The following ATP6V1H variants were observed in gnomAD, a reference collection of about 807,000 sequenced individuals.
ATP6V1H encodes the protein V-type proton ATPase subunit H.
Under a neutral mutation model 71.7 loss-of-function variants are expected in ATP6V1H, and 39 were observed. That is an observed-to-expected ratio of 0.54 (90% CI 0.42 to 0.71). The LOEUF is 0.71. ATP6V1H is among the 30% of genes least tolerant of loss of function. The pLI is 0.00. For missense variants in ATP6V1H, 509 were observed against 594.9 expected, an observed-to-expected ratio of 0.86 and a Z score of 1.50; for synonymous variants, 192 against 199.3, an observed-to-expected ratio of 0.96 and a Z score of 0.31.
intron 13 of ATP6V1H, among the ~76,000 whole-genome samples, chr8:53,734,023 C>T (rs1807115694): frequency 3.3e-5 from 5 of 152,322 alleles, no homozygotes; most frequent in Admixed American, 6.5e-5. Flanking sequence ...TTAACAGCAA[C>T]TGCCCTGCTA....
At chr8:53,719,673 C>A (rs1033543604) in intron 13 of ATP6V1H, among the ~76,000 whole-genome samples, 2 of 152,174 alleles carry the variant, frequency 1.3e-5, no homozygotes, top group African/African-American at 4.8e-5. Context: ...CACAGGTATG[C>A]CCACACATTC....
intron 2 of ATP6V1H, among the ~76,000 whole-genome samples, chr8:53,836,694 G>A (rs1408153638): frequency 1.3e-5 from 2 of 152,178 alleles, no homozygotes; most frequent in Non-Finnish European, 2.9e-5. Context: ...TACATATGGG[G>A]TCATATTATT....
chr8:53,761,106 G>A (rs999897050), intron 11 of ATP6V1H, among the ~76,000 whole-genome samples: 1 of 152,180 alleles, frequency 6.6e-6, no homozygotes, highest in African/African-American at 2.4e-5. Context: ...GGAGGCCGAG[G>A]TGGGCAGATC....
rs368947137 is a variant in ATP6V1H at position 53,806,709 on chromosome 8, T to C, written c.579+4455A>G. 8.2e-4 allele frequency: 306 copies of C among 373,658 alleles called. 2 individuals are homozygous for C. The highest frequency in any genetic ancestry group is 5.5e-3 in the South Asian group (261 of 47,734). 23.1% of individuals were successfully genotyped at this position (373,658 alleles called of 1,614,324 possible). The stretch of plus-strand genomic sequence containing the variant: ...TCAGTGCTATACTTTGAAAATGACA[T>C]GTAAAAGAAAGTCTTAAATTTAAAT... On this transcript the variant is annotated intron_variant, in intron 7 of 13. Coordinates refer to ENST00000359530, the MANE Select transcript of ATP6V1H (RefSeq NM_015941.4).
intron 10 of ATP6V1H, 151 bp downstream of exon 10, chr8:53,771,837 CA>C: frequency 4.6e-6 from 3 of 650,114 alleles, no homozygotes; most frequent in South Asian, 4.1e-5. Context: ...GTTGCCATGT[CA>C]GAATGATGTC....
intron 13 of ATP6V1H, among the ~76,000 whole-genome samples, chr8:53,727,216 CCTT>C (rs985682181): frequency 3.9e-5 from 6 of 152,356 alleles, no homozygotes; most frequent in African/African-American, 1.4e-4. Flanking sequence ...TGGCCAATGG[CCTT>C]CTCGCTGCTG....
chr8:53,759,115 A>C (rs975977100), intron 11 of ATP6V1H, among the ~76,000 whole-genome samples: 7 of 152,244 alleles, frequency 4.6e-5, no homozygotes, highest in Admixed American at 4.6e-4. Flanking sequence ...CATTTTAACA[A>C]GATCTCCATT....
chr8:53,840,635 G>T (rs1043433065), intron 2 of ATP6V1H, among the ~76,000 whole-genome samples: 11 of 152,080 alleles, frequency 7.2e-5, no homozygotes, highest in African/African-American at 2.7e-4. Flanking sequence ...CTCAAACTTG[G>T]CAGGTAATCA....
chr8:53,782,928 G>A (rs1809215532), intron 9 of ATP6V1H, among the ~76,000 whole-genome samples: 1 of 152,136 alleles, frequency 6.6e-6, no homozygotes, highest in African/African-American at 2.4e-5. Flanking sequence ...TTGATGTGCT[G>A]CTGGATTCGG....
At position 53,758,973 on chromosome 8, in the gene ATP6V1H, T is replaced by A. The variant is rs145718188; in HGVS notation, c.1176-2317A>T. Among the ~76,000 whole-genome samples the A allele has an allele frequency of 2.2e-3, 336 of 152,364 alleles. 2 individuals carry two copies. Among genetic ancestry groups the A allele is most frequent in the African/African-American group, 7.8e-3 (325 of 41,588 alleles). ...CCTGCCTTAAACTATTCTCAGTGACTTAAGCCATTCTCCATATGGCTGAGA... is the reference window on the plus strand; with the variant it reads ...CCTGCCTTAAACTATTCTCAGTGACATAAGCCATTCTCCATATGGCTGAGA... On this transcript the variant is annotated intron_variant, in intron 11 of 13. Transcript: ENST00000359530.
chr8:53,782,554 C>T (rs1368643509), intron 9 of ATP6V1H, among the ~76,000 whole-genome samples: 1 of 152,024 alleles, frequency 6.6e-6, no homozygotes, highest in Non-Finnish European at 1.5e-5. Context: ...GCCTGATTGC[C>T]CTGGCCATAA....
intron 6 of ATP6V1H, among the ~76,000 whole-genome samples, chr8:53,813,292 T>C (rs1810345304): frequency 1.3e-5 from 2 of 152,072 alleles, no homozygotes; most frequent in Non-Finnish European, 2.9e-5. Flanking sequence ...AATATCTCCA[T>C]CCAAATACAA....
intron 9 of ATP6V1H, among the ~76,000 whole-genome samples, chr8:53,790,119 T>C (rs1022426093): frequency 6.6e-6 from 1 of 152,222 alleles, no homozygotes; most frequent in Admixed American, 6.5e-5. Context: ...ACCCTCTCTC[T>C]CTAGTCTTGC....
In ATP6V1H at chr8:53,832,997, G is replaced by C. The variant is rs759249413; in HGVS notation, c.203C>G (p.Thr68Ser). ...SPEEKQEMLQ[T>S]EGSQCAKTFI... is the part of the protein sequence containing the mutation. ...TTTATTCATCACCTGGCTGCCTTCA[G>C]TTTGAAGCATCTCTTGCTTCTCTTC... is the stretch of plus-strand genomic sequence containing the variant. The change falls in exon 3 of 14, where the codon ACT becomes AGT. Residue 68 changes from threonine (T) to serine (S), a missense_variant. Thr to Ser is a moderately conservative substitution (Grantham distance 58). Transcript: ENST00000359530. 2 of 1,612,076 alleles carry C rather than the reference G, an allele frequency of 1.2e-6. No individual in the cohort carries two copies. Among genetic ancestry groups the C allele is most frequent in the Non-Finnish European group, 1.7e-6 (2 of 1,178,312 alleles).
chr8:53,721,389 A>G (rs752768549), intron 13 of ATP6V1H, among the ~76,000 whole-genome samples: 8 of 152,222 alleles, frequency 5.3e-5, no homozygotes, highest in Non-Finnish European at 8.8e-5. Flanking sequence ...AGTAAGTACT[A>G]TATAGTCCAA....
chr8:53,797,321 C>G (rs921569500), intron 8 of ATP6V1H, among the ~76,000 whole-genome samples: 3 of 152,230 alleles, frequency 2.0e-5, no homozygotes, highest in Non-Finnish European at 4.4e-5. Context: ...CAGTAACACT[C>G]CTTCAACCCG....
At position 53,772,041 on chromosome 8, in the gene ATP6V1H, C is replaced by T. The variant is rs753497464; in HGVS notation, c.997G>A (p.Glu333Lys). Residue 333 changes from glutamate to lysine, a missense_variant, in exon 10 of 14, where the codon GAA (glutamate) becomes AAA (lysine). Physicochemically the swap from Glu to Lys is moderately conservative, Grantham distance 56 (BLOSUM62 1). Coordinates refer to ENST00000359530, the MANE Select transcript of ATP6V1H (RefSeq NM_015941.4). ...QQKYDDEDIS[E>K]DIKFLLEKLG... ...TTTTCCAAAAGAAATTTGATATCTTCGCTGATATCTTCATCATCGTACTTC... is the reference window on the plus strand; with the variant it reads ...TTTTCCAAAAGAAATTTGATATCTTTGCTGATATCTTCATCATCGTACTTC... The T allele has an allele frequency of 5.0e-6, 8 of 1,613,982 alleles. No homozygotes were observed. The highest frequency in any genetic ancestry group is 4.5e-5 in the East Asian group (2 of 44,886).
intron 4 of ATP6V1H, among the ~76,000 whole-genome samples, chr8:53,828,891 T>C (rs1426774044): frequency 1.3e-5 from 2 of 152,236 alleles, no homozygotes; most frequent in South Asian, 2.1e-4. Flanking sequence ...GCCTAGATTA[T>C]ACTCTAGTGT....
At chr8:53,723,257 CCTCT>C (rs1381439069) in intron 13 of ATP6V1H, among the ~76,000 whole-genome samples, 1 of 152,106 alleles carries the variant, frequency 6.6e-6, no homozygotes, top group African/African-American at 2.4e-5. Flanking sequence ...TGGCCTCCTC[CCTCT>C]GATTTCTCCT....
Sources: gnomAD v4.1 joint callset for allele counts (sites outside exome capture counted in the v4.1 genomes callset) on GRCh38, gnomAD v4.1.1 for gene constraint, MANE v1.5 for transcripts, NCBI Gene and HGNC (gene_info 2026-07-23, HGNC 2026-07-21) for gene names.